The following LRP1B variants were observed in gnomAD, a reference collection of about 807,000 sequenced individuals.
The protein encoded by LRP1B is LDL receptor related protein 1B, also known as low-density lipoprotein receptor-related protein 1B.
In LRP1B, 217 loss-of-function variants were observed where a neutral mutation model predicts 556.6. That is an observed-to-expected ratio of 0.39 (90% CI 0.35 to 0.44). The LOEUF (loss-of-function observed/expected upper bound fraction) is 0.44, where lower values mean the gene tolerates loss of function less well. Ranked by LOEUF, LRP1B falls within the 20% of genes least tolerant of loss-of-function variation. The pLI, the probability that LRP1B is intolerant of heterozygous loss-of-function variation, is 1.00. For missense variants in LRP1B, 5,053 were observed against 5,620.8 expected (o/e 0.90, Z 3.23); for synonymous variants, 2,047 against 1,865.8 (o/e 1.10, Z -2.50).
intron 25 of LRP1B, among the ~76,000 whole-genome samples, chr2:140,869,747 C>T (rs868327785): frequency 1.3e-5 from 2 of 152,052 alleles, no homozygotes; most frequent in South Asian, 2.1e-4. Context: ...TTTCTTGTTT[C>T]AGCAATCTCA....
At chr2:141,199,398 A>G (rs971590597) in intron 6 of LRP1B, among the ~76,000 whole-genome samples, 3 of 152,086 alleles carry the variant, frequency 2.0e-5, no homozygotes, top group Non-Finnish European at 4.4e-5. Context: ...GTTTTACTCT[A>G]AATCTTCAGT....
intron 7 of LRP1B, among the ~76,000 whole-genome samples, chr2:141,114,316 C>T (rs1289288158): frequency 6.6e-6 from 1 of 152,204 alleles, no homozygotes; most frequent in African/African-American, 2.4e-5. Flanking sequence ...CAGTCTTTTA[C>T]ACCCTGCTCT....
chr2:142,031,221 G>C (rs1020204828), intron 1 of LRP1B, among the ~76,000 whole-genome samples: 1 of 151,300 alleles, frequency 6.6e-6, no homozygotes, highest in African/African-American at 2.4e-5. Context: ...ATGTGAAAGA[G>C]ACAGAGATAA....
intron 7 of LRP1B, among the ~76,000 whole-genome samples, chr2:141,126,179 C>T (rs967748008): frequency 3.3e-5 from 5 of 151,994 alleles, no homozygotes; most frequent in Admixed American, 6.6e-5. Context: ...TTACAGGTGC[C>T]TGTCACCACG....
At chr2:141,936,822 G>A (rs897900095) in intron 1 of LRP1B, among the ~76,000 whole-genome samples, 2 of 151,330 alleles carry the variant, frequency 1.3e-5, no homozygotes, top group Non-Finnish European at 2.9e-5. Context: ...CATTAATTTT[G>A]GATATACATA....
intron 2 of LRP1B, among the ~76,000 whole-genome samples, chr2:141,658,949 G>A (rs1690112877): frequency 6.6e-6 from 1 of 152,042 alleles, no homozygotes; most frequent in Non-Finnish European, 1.5e-5. Context: ...TGTTGCTCAG[G>A]CTGGAATGCA....
chr2:140,854,445 A>G (rs1368865529), intron 27 of LRP1B, among the ~76,000 whole-genome samples: 1 of 152,130 alleles, frequency 6.6e-6, no homozygotes, highest in Non-Finnish European at 1.5e-5. Flanking sequence ...TGAAAAATCC[A>G]CAAAGAATTC....
At chr2:141,278,550 C>A (rs13018371) in intron 3 of LRP1B, among the ~76,000 whole-genome samples, 15,546 of 152,098 alleles carry the variant, frequency 0.1, 1,027 homozygotes, top group Admixed American at 0.17. Context: ...TTTCCTAAGG[C>A]TATAATCCGA....
At chr2:140,325,920 T>C (rs769358729) in intron 79 of LRP1B, 42 bp from the exon 80 acceptor site, 3 of 1,196,828 alleles carry the variant, frequency 2.5e-6, no homozygotes, top group Non-Finnish European at 3.7e-6. Context: ...GCAAGTAAAT[T>C]TGAAATCATT....
chr2:140,385,806 T>G, intron 67 of LRP1B, 87 bp downstream of exon 67: 1 of 873,964 alleles, frequency 1.1e-6, no homozygotes, highest in Non-Finnish European at 1.9e-6. Context: ...CAGGTTCAAA[T>G]TTATACCTTA....
intron 1 of LRP1B, among the ~76,000 whole-genome samples, chr2:142,084,195 T>C (rs563690803): frequency 7.9e-5 from 12 of 152,276 alleles, no homozygotes; most frequent in African/African-American, 2.9e-4. Flanking sequence ...TTGGCCAGGC[T>C]GGTTTTGAAC....
intron 1 of LRP1B, among the ~76,000 whole-genome samples, chr2:142,104,454 A>G (rs1706678659): frequency 6.6e-6 from 1 of 152,130 alleles, no homozygotes; most frequent in Non-Finnish European, 1.5e-5. Flanking sequence ...GCACCCTTTG[A>G]TTTAGCAAAG....
At chr2:140,719,348 G>A (rs953638420) in intron 35 of LRP1B, among the ~76,000 whole-genome samples, 2 of 151,904 alleles carry the variant, frequency 1.3e-5, no homozygotes, top group Admixed American at 1.3e-4. Flanking sequence ...TGAGCAACAT[G>A]TAAGCCATAC....
intron 2 of LRP1B, among the ~76,000 whole-genome samples, chr2:141,697,731 A>T (rs1427781425): frequency 6.6e-6 from 1 of 152,050 alleles, no homozygotes; most frequent in East Asian, 1.9e-4. Flanking sequence ...TCATCAATAG[A>T]CTACAGAACT....
chr2:141,224,038 C>T (rs1386755022), intron 6 of LRP1B, among the ~76,000 whole-genome samples: 1 of 152,062 alleles, frequency 6.6e-6, no homozygotes, highest in Non-Finnish European at 1.5e-5. Context: ...CGAATGAGAT[C>T]TAATTAAACT....
rs143927629 is a variant in LRP1B, at chr2:141,245,931, A to G, written c.592+1295T>C. ...TTCCTTCTTCCTCTTTTTTCCACAA[A>G]TATTTATTGAGAACCTATATGTTCT... On this transcript the variant is annotated intron_variant, in intron 5 of 90. Transcript: ENST00000389484. Among the ~76,000 whole-genome samples the G allele has an allele frequency of 4.1e-3, 625 of 152,158 alleles. 3 individuals are homozygous for G. The highest frequency in any genetic ancestry group is 0.013 in the African/African-American group (555 of 41,510).
intron 1 of LRP1B, among the ~76,000 whole-genome samples, chr2:141,859,963 G>A (rs1698185925): frequency 6.6e-6 from 1 of 151,980 alleles, no homozygotes; most frequent in South Asian, 2.1e-4. Flanking sequence ...ATATCCAAAT[G>A]GCAAGCAGGC....
chr2:141,289,571 A>G (rs1685863828), intron 3 of LRP1B, among the ~76,000 whole-genome samples: 1 of 152,106 alleles, frequency 6.6e-6, no homozygotes, highest in Admixed American at 6.5e-5. Flanking sequence ...AGGCATATAT[A>G]TATTCACACA....
chr2:141,633,222 G>A (rs972058680), intron 2 of LRP1B, among the ~76,000 whole-genome samples: 2 of 152,096 alleles, frequency 1.3e-5, no homozygotes, highest in African/African-American at 2.4e-5. Context: ...CTGTGGGGAT[G>A]GGAGCTCTCT....
Sources: gnomAD v4.1 joint callset for allele counts (sites outside exome capture counted in the v4.1 genomes callset) on GRCh38, gnomAD v4.1.1 for gene constraint, MANE v1.5 for transcripts, NCBI Gene and HGNC (gene_info 2026-07-23, HGNC 2026-07-21) for gene names.